Variants in NBEA observed in about 807,000 individuals in gnomAD.
The protein encoded by NBEA is lysosomal-trafficking regulator 2.
Under a neutral mutation model 343.4 loss-of-function variants are expected in NBEA, and 44 were observed. The observed-to-expected ratio is 0.13, with a 90% CI of 0.10 to 0.16. The LOEUF is 0.16. Ranked by LOEUF, NBEA falls within the 10% of genes least tolerant of loss-of-function variation. The pLI is 1.00. For synonymous variants in NBEA, 1,175 were observed against 1,238.7 expected (o/e 0.95, Z 1.08); for missense variants, 2,555 against 3,631.3 (o/e 0.70, Z 7.62).
At chr13:35,248,932 C>G (rs1487050925) in intron 34 of NBEA, among the ~76,000 whole-genome samples, 1 of 152,074 alleles carries the variant, frequency 6.6e-6, no homozygotes, top group Non-Finnish European at 1.5e-5. Context: ...GGCAGATCAC[C>G]TGAGGTCGGG....
intron 38 of NBEA, among the ~76,000 whole-genome samples, chr13:35,404,450 G>C (rs1204802986): frequency 2.6e-5 from 4 of 151,570 alleles, no homozygotes; most frequent in Admixed American, 2.6e-4. Flanking sequence ...CATGTCCTTT[G>C]TAGGGACATG....
intron 10 of NBEA, among the ~76,000 whole-genome samples, chr13:35,074,627 G>A (rs1157768638): frequency 2.0e-5 from 3 of 152,114 alleles, no homozygotes; most frequent in Admixed American, 6.6e-5. Context: ...TCATGGGTGT[G>A]TAGTAGTGGT....
chr13:35,540,091 C>T (rs2078751065), intron 41 of NBEA, among the ~76,000 whole-genome samples: 1 of 151,826 alleles, frequency 6.6e-6, no homozygotes, highest in Admixed American at 6.6e-5. Flanking sequence ...TTCATTCTGG[C>T]TGTATCTAAA....
chr13:35,308,498 G>GTATATATA (rs1566597288), intron 35 of NBEA, among the ~76,000 whole-genome samples: 228 of 86,894 alleles, frequency 2.6e-3, no homozygotes, highest in South Asian at 5.0e-3. Flanking sequence ...GTATATATAT[G>GTATATATA]TGTATATATA....
At chr13:35,454,101 T>C (rs546593709) in intron 40 of NBEA, among the ~76,000 whole-genome samples, 15 of 152,284 alleles carry the variant, frequency 9.9e-5, no homozygotes, top group Admixed American at 4.6e-4. Context: ...CCTAAAGTAT[T>C]GATCCTCTGC....
At chr13:35,294,618 A>G (rs1299292844) in intron 35 of NBEA, among the ~76,000 whole-genome samples, 5 of 152,164 alleles carry the variant, frequency 3.3e-5, no homozygotes, top group Admixed American at 6.6e-5. Context: ...AATGGTTACT[A>G]AAGACTTACA....
intron 30 of NBEA, among the ~76,000 whole-genome samples, chr13:35,193,319 A>C (rs1393489878): frequency 6.6e-6 from 1 of 151,860 alleles, no homozygotes; most frequent in Non-Finnish European, 1.5e-5. Context: ...AATTTTGGCT[A>C]TTGCCTCAGT....
At chr13:35,212,208 T>C (rs1476832998) in intron 33 of NBEA, among the ~76,000 whole-genome samples, 1 of 152,204 alleles carries the variant, frequency 6.6e-6, no homozygotes, top group Non-Finnish European at 1.5e-5. Flanking sequence ...CCCTGACTTT[T>C]AATACTAAGC....
At chr13:35,198,366 A>G (rs751067030) in intron 31 of NBEA, among the ~76,000 whole-genome samples, 2 of 152,184 alleles carry the variant, frequency 1.3e-5, no homozygotes, top group South Asian at 2.1e-4. Context: ...ATACAAACCA[A>G]TAAATACAGA....
chr13:35,284,010 A>G (rs1437298046), intron 34 of NBEA, among the ~76,000 whole-genome samples: 2 of 143,210 alleles, frequency 1.4e-5, no homozygotes, highest in Non-Finnish European at 3.1e-5. Context: ...ACACACACAC[A>G]CACACCACAC....
In NBEA at chr13:35,284,003, C is replaced by CAT. The variant is rs1338654424; in HGVS notation, c.5777-6385_5777-6384insTA. Among the ~76,000 whole-genome samples the CAT allele has an allele frequency of 2.1e-5, 3 of 142,394 alleles. No homozygotes were observed. In the East Asian group the frequency reaches 7.3e-4, roughly 35 times the overall value. The allele number at this position is 142,394 out of a possible 152,430, so 93.4% of individuals were successfully genotyped here. ...GTGTACACAGACACACACACACACA[C>CAT]ACACACACACACCACACAGATGCAT... On this transcript the variant is annotated intron_variant, in intron 34 of 58. Coordinates refer to ENST00000379939, the MANE Select transcript of NBEA (RefSeq NM_001385012.1).
intron 36 of NBEA, among the ~76,000 whole-genome samples, chr13:35,344,144 C>A (rs1476580929): frequency 6.6e-6 from 1 of 152,012 alleles, no homozygotes; most frequent in South Asian, 2.1e-4. Flanking sequence ...TTAAAATATT[C>A]TCATTACTGC....
chr13:35,053,238 G>A (rs1463377140), intron 6 of NBEA, among the ~76,000 whole-genome samples: 1 of 152,050 alleles, frequency 6.6e-6, no homozygotes, highest in African/African-American at 2.4e-5. Context: ...AAAAACAAAG[G>A]CCTAAAGGTC....
intron 28 of NBEA, among the ~76,000 whole-genome samples, chr13:35,181,536 T>G (rs1213389192): frequency 1.3e-5 from 2 of 151,818 alleles, no homozygotes; most frequent in African/African-American, 4.8e-5. Context: ...TTTGTTTGAG[T>G]TCCTTGTAGA....
intron 49 of NBEA, among the ~76,000 whole-genome samples, chr13:35,635,249 A>T (rs2083646597): frequency 6.6e-6 from 1 of 151,996 alleles, no homozygotes; most frequent in Non-Finnish European, 1.5e-5. Context: ...ATTCTCTTTG[A>T]TATGACAAGG....
At chr13:35,559,673 T>C (rs2079759794) in intron 44 of NBEA, among the ~76,000 whole-genome samples, 1 of 152,174 alleles carries the variant, frequency 6.6e-6, no homozygotes, top group South Asian at 2.1e-4. Flanking sequence ...CCCAGCACTT[T>C]GGGAGGCCGA....
chr13:35,491,076 A>G (rs1369625101), intron 41 of NBEA, among the ~76,000 whole-genome samples: 1 of 151,944 alleles, frequency 6.6e-6, no homozygotes, highest in African/African-American at 2.4e-5. Flanking sequence ...ACCCAAGACC[A>G]CACAGTAACT....
At chr13:35,045,513 A>C in intron 4 of NBEA, 112 bp downstream of exon 4, 1 of 796,958 alleles carries the variant, frequency 1.3e-6, no homozygotes, top group South Asian at 1.9e-5. Context: ...CAACTTGATG[A>C]GTTTGGAAGT....
rs541208666 is a variant in NBEA at position 35,629,526 on chromosome 13, A to T, written c.7617+1278A>T. On this transcript the variant is annotated intron_variant, in intron 49 of 58. Coordinates refer to ENST00000379939, the MANE Select transcript of NBEA (RefSeq NM_001385012.1). ...TATTCTGAGAACACGTTGCAAGCGT[A>T]TTATTAGGGGCAATATTGTACCATA... is the stretch of plus-strand genomic sequence containing the variant. 9.8e-5 allele frequency among the ~76,000 whole-genome samples: 15 copies of T among 152,328 alleles called. No individual in the cohort carries two copies. The South Asian group carries it at 2.9e-3, about 29-fold the overall frequency.
Sources: allele counts gnomAD v4.1 joint callset (sites outside exome capture counted in the v4.1 genomes callset), GRCh38; gene constraint gnomAD v4.1.1; transcripts MANE v1.5; gene names NCBI Gene and HGNC (gene_info 2026-07-23, HGNC 2026-07-21).